ABCA10: variants seen among roughly 807,000 people sequenced by gnomAD.
The protein encoded by ABCA10 is ATP binding cassette subfamily A member 10.
Under a neutral mutation model 187.5 loss-of-function variants are expected in ABCA10, and 169 were observed. That is an observed-to-expected ratio of 0.90 (90% CI 0.80 to 1.02). The LOEUF (loss-of-function observed/expected upper bound fraction) is 1.02. Ranked by LOEUF, ABCA10 falls within the 50% of genes least tolerant of loss-of-function variation. The pLI is 0.00. For synonymous variants in ABCA10, 574 were observed against 601.8 expected, an observed-to-expected ratio of 0.95 and a Z score of 0.68; for missense variants, 1,727 against 1,812.4, an observed-to-expected ratio of 0.95 and a Z score of 0.86.
chr17:69,214,958 A>AAAGG, intron 8 of ABCA10, 107 bp from the exon 9 acceptor site: 1 of 764,354 alleles, frequency 1.3e-6, no homozygotes, highest in Non-Finnish European at 1.9e-6. Flanking sequence ...TAATATTTTA[A>AAAGG]TACCTTTTCA....
intron 9 of ABCA10, among the ~76,000 whole-genome samples, chr17:69,207,884 C>T (rs1473986146): frequency 6.6e-6 from 1 of 152,066 alleles, no homozygotes; most frequent in Admixed American, 6.6e-5. Context: ...CAGCTAATAA[C>T]AACGTATTTT....
intron 25 of ABCA10, among the ~76,000 whole-genome samples, chr17:69,172,008 C>A (rs1448365095): frequency 4.5e-5 from 6 of 133,598 alleles, no homozygotes; most frequent in Non-Finnish European, 8.0e-5. Flanking sequence ...GAATAGTGAA[C>A]AAATAGATTG....
chr17:69,165,438 G>A (rs1167565088), intron 25 of ABCA10, among the ~76,000 whole-genome samples: 2 of 152,084 alleles, frequency 1.3e-5, no homozygotes, highest in Non-Finnish European at 2.9e-5. Context: ...ATATGACTTG[G>A]GAACTTAAAA....
Position 69,174,749 on chromosome 17 carries a change from G to C in ABCA10, c.2906C>G (p.Ser969Ter). The stretch of plus-strand genomic sequence containing the variant: ...CCAGTATGCTGAAGGCCAGAGGCCT[G>C]AAATCCATAACTGGGATTGAACATT... ...KKNVQSQLWI[S>*]GLWPSAYWCG... is the part of the protein sequence containing the mutation. Residue 969 changes from serine to a stop codon, truncating the protein, a stop_gained, in exon 24 of 39, where the codon TCA (serine) becomes TGA (stop). Transcript: ENST00000690296. LOFTEE classifies it high-confidence loss of function. 6.3e-7 allele frequency: 1 copy of C among 1,596,796 alleles called. No homozygotes were observed. Among genetic ancestry groups the C allele is most frequent in the South Asian group, 1.1e-5 (1 of 87,232 alleles).
chr17:69,215,505 C>CTGAAG (rs1296057407), intron 8 of ABCA10: 2 of 205,048 alleles, frequency 9.8e-6, no homozygotes, highest in African/African-American at 4.7e-5. Context: ...TGCCATCTGG[C>CTGAAG]TTCACTCGTT....
At chr17:69,187,573 T>C (rs1313975102) in intron 19 of ABCA10, 108 bp downstream of exon 19, 14 of 1,216,136 alleles carry the variant, frequency 1.2e-5, no homozygotes, top group South Asian at 1.8e-5. Context: ...TAGGTAAACA[T>C]ACAAAAAAAC....
chr17:69,190,917 C>G (rs564960178), intron 17 of ABCA10, among the ~76,000 whole-genome samples: 1 of 152,008 alleles, frequency 6.6e-6, no homozygotes, highest in South Asian at 2.1e-4. Flanking sequence ...ACAGAAACTG[C>G]TATTTCAGAA....
chr17:69,174,848 T>A, intron 23 of ABCA10, 71 bp from the exon 24 acceptor site: 2 of 1,345,432 alleles, frequency 1.5e-6, no homozygotes, highest in Non-Finnish European at 2.0e-6. Context: ...GTAAAAAAAA[T>A]TGTTTAATAA....
chr17:69,232,056 T>A (rs2074835563), upstream of ABCA10, among the ~76,000 whole-genome samples: 1 of 152,118 alleles, frequency 6.6e-6, no homozygotes, highest in African/African-American at 2.4e-5. Flanking sequence ...GTATAGCTAC[T>A]CCTACTCTTT....
chr17:69,157,242 C>T (rs534679077), intron 27 of ABCA10, among the ~76,000 whole-genome samples: 4 of 152,150 alleles, frequency 2.6e-5, no homozygotes, highest in Admixed American at 2.6e-4. Context: ...AGGTTTAGCC[C>T]CAAAGCAACT....
chr17:69,208,744 A>C (rs973824820), intron 9 of ABCA10, among the ~76,000 whole-genome samples: 3 of 152,178 alleles, frequency 2.0e-5, no homozygotes, highest in African/African-American at 4.8e-5. Context: ...GGACACTTTT[A>C]AGAATTTAGA....
At chr17:69,194,343 T>C in intron 12 of ABCA10, 42 bp downstream of exon 12, 1 of 1,517,180 alleles carries the variant, frequency 6.6e-7, no homozygotes, top group Non-Finnish European at 9.1e-7. Context: ...AATTTACAAC[T>C]TGCTTTTTCA....
chr17:69,159,237 C>A (rs998247528), intron 27 of ABCA10, among the ~76,000 whole-genome samples: 1 of 151,918 alleles, frequency 6.6e-6, no homozygotes, highest in Non-Finnish European at 1.5e-5. Flanking sequence ...CAAATACAGA[C>A]TTTCTATTAT....
In ABCA10 at chr17:69,207,042, T is replaced by C. The variant is rs1324287863; in HGVS notation, c.1007-5374A>G. Among the ~76,000 whole-genome samples the C allele has an allele frequency of 3.3e-5, 5 of 151,912 alleles. No homozygotes were observed. In the East Asian group the frequency reaches 5.8e-4, roughly 18 times the overall value. ...TATACAAAATATACAGCAAACTCAATAGTAAGAAAAAATAACCCAATTTGA... is the reference window on the plus strand; with the variant it reads ...TATACAAAATATACAGCAAACTCAACAGTAAGAAAAAATAACCCAATTTGA... On this transcript the variant is annotated intron_variant, in intron 9 of 38. Transcript: ENST00000690296.
Position 69,211,947 on chromosome 17 carries a change from A to G in ABCA10, c.1006+2757T>C, listed in dbSNP as rs936214470. Among the ~76,000 whole-genome samples, 5 of 151,680 alleles carry G rather than the reference A, an allele frequency of 3.3e-5. 1 individual carries two copies. Among genetic ancestry groups the G allele is most frequent in the Admixed American group, 3.3e-4 (5 of 15,254 alleles). ...AAAGAACCAGCTTTTTGTTTCATTT[A>G]TTTTTTGTATTTTTTGTTTCAATTT... On this transcript the variant is annotated intron_variant, in intron 9 of 38. Transcript: ENST00000690296.
chr17:69,162,922 T>C (rs1212150852), intron 27 of ABCA10, among the ~76,000 whole-genome samples: 2 of 151,432 alleles, frequency 1.3e-5, no homozygotes, highest in African/African-American at 2.4e-5. Flanking sequence ...CACTGCAACC[T>C]CCATCTCCTG....
chr17:69,154,883 G>A, intron 30 of ABCA10, 136 bp downstream of exon 30: 1 of 578,248 alleles, frequency 1.7e-6, no homozygotes. Flanking sequence ...CTGCTGACAT[G>A]TGAAGAAGTT....
chr17:69,231,253 T>C (rs902888900), upstream of ABCA10, among the ~76,000 whole-genome samples: 6 of 152,160 alleles, frequency 3.9e-5, no homozygotes, highest in African/African-American at 1.4e-4. Context: ...TTCTCTCTTC[T>C]ATGTGCCTGT....
chr17:69,186,292 T>A (rs531170780), intron 19 of ABCA10, among the ~76,000 whole-genome samples: 1 of 151,754 alleles, frequency 6.6e-6, no homozygotes, highest in Admixed American at 6.6e-5. Context: ...AAAAAAAAAA[T>A]GGAGTCTATA....
Sources: allele counts gnomAD v4.1 joint callset (sites outside exome capture counted in the v4.1 genomes callset), GRCh38; gene constraint gnomAD v4.1.1; transcripts MANE v1.5; gene names NCBI Gene and HGNC (gene_info 2026-07-23, HGNC 2026-07-21).